The following TRPM3 variants were observed in gnomAD, a reference collection of about 807,000 sequenced individuals.
The protein encoded by TRPM3 is long transient receptor potential channel 3.
Under a neutral mutation model 181.2 loss-of-function variants are expected in TRPM3, and 77 were observed. The observed-to-expected ratio is 0.42, with a 90% CI of 0.35 to 0.51. TRPM3 has a LOEUF of 0.51. TRPM3 is among the 20% of genes least tolerant of loss of function. The pLI is 0.01. For missense variants in TRPM3, 1,759 were observed against 2,196.7 expected (o/e 0.80, Z 3.98); for synonymous variants, 745 against 796.4 (o/e 0.94, Z 1.09).
At chr9:71,395,537 C>T (rs2093170178) in intron 1 of TRPM3, among the ~76,000 whole-genome samples, 1 of 152,172 alleles carries the variant, frequency 6.6e-6, no homozygotes, top group Non-Finnish European at 1.5e-5. Flanking sequence ...ACTTTAACTT[C>T]ATGTAATTGA....
intron 5 of TRPM3, among the ~76,000 whole-genome samples, chr9:70,831,967 ATATAT>A (rs2093938515): frequency 4.5e-5 from 3 of 66,230 alleles, no homozygotes; most frequent in Non-Finnish European, 6.2e-5. Flanking sequence ...CCATAAATAT[ATATAT>A]ATATATATAT....
At chr9:71,005,851 A>T (rs1485870069) in intron 1 of TRPM3, among the ~76,000 whole-genome samples, 2 of 152,228 alleles carry the variant, frequency 1.3e-5, no homozygotes, top group Non-Finnish European at 2.9e-5. Flanking sequence ...CACTGGTAAA[A>T]GTAAGAATAC....
At chr9:71,415,458 G>C (rs1466514321) in intron 1 of TRPM3, among the ~76,000 whole-genome samples, 1 of 151,784 alleles carries the variant, frequency 6.6e-6, no homozygotes, top group Non-Finnish European at 1.5e-5. Flanking sequence ...TATTTATCTA[G>C]ATCTGATAAA....
intron 25 of TRPM3, among the ~76,000 whole-genome samples, chr9:70,543,763 T>A (rs892719371): frequency 1.4e-4 from 22 of 152,156 alleles, no homozygotes; most frequent in African/African-American, 5.3e-4. Context: ...TTTGCTTAAA[T>A]GTTGCCATCA....
At chr9:71,164,257 C>G (rs1184685921) in intron 1 of TRPM3, among the ~76,000 whole-genome samples, 3 of 152,188 alleles carry the variant, frequency 2.0e-5, no homozygotes, top group African/African-American at 7.2e-5. Context: ...TTTGTTTTAA[C>G]AATTTGAAAT....
intron 1 of TRPM3, among the ~76,000 whole-genome samples, chr9:71,313,419 A>G (rs1301939595): frequency 6.6e-6 from 1 of 152,186 alleles, no homozygotes. Context: ...CTTACATTAA[A>G]GGAAATTATA....
chr9:70,545,785 T>A (rs2044720607), intron 25 of TRPM3, among the ~76,000 whole-genome samples: 1 of 152,118 alleles, frequency 6.6e-6, no homozygotes, highest in African/African-American at 2.4e-5. Flanking sequence ...TGAACTCAGG[T>A]AATCTGCCTA....
chr9:70,982,466 C>T (rs1361066451), intron 1 of TRPM3, among the ~76,000 whole-genome samples: 5 of 152,182 alleles, frequency 3.3e-5, no homozygotes. Context: ...CTTCTATTAT[C>T]TAAGATTTCA....
chr9:70,659,501 T>C (rs967927266), intron 9 of TRPM3, among the ~76,000 whole-genome samples: 32 of 152,136 alleles, frequency 2.1e-4, no homozygotes, highest in African/African-American at 7.7e-4. Flanking sequence ...TAAAAGCCTA[T>C]GTAAAAAATA....
chr9:71,157,778 T>A (rs1158348739), intron 1 of TRPM3, among the ~76,000 whole-genome samples: 4 of 152,156 alleles, frequency 2.6e-5, no homozygotes, highest in South Asian at 4.1e-4. Context: ...TGGTAAGTCA[T>A]AAAAGAAATT....
intron 1 of TRPM3, among the ~76,000 whole-genome samples, chr9:71,057,373 G>T (rs1012885564): frequency 2.6e-5 from 4 of 152,056 alleles, no homozygotes; most frequent in African/African-American, 9.7e-5. Flanking sequence ...TCAGATAACA[G>T]AGTGCTCTTA....
At chr9:71,102,507 G>T (rs2068588352) in intron 1 of TRPM3, among the ~76,000 whole-genome samples, 1 of 152,030 alleles carries the variant, frequency 6.6e-6, no homozygotes, top group Non-Finnish European at 1.5e-5. Flanking sequence ...ACTTTACTCA[G>T]GTACCCTGAT....
chr9:71,229,961 G>C (rs1048398612), intron 1 of TRPM3, among the ~76,000 whole-genome samples: 2 of 152,002 alleles, frequency 1.3e-5, no homozygotes, highest in African/African-American at 4.8e-5. Context: ...GGAAATAAAA[G>C]AGATAGCTGC....
chr9:70,746,119 T>C (rs2075116603), intron 8 of TRPM3, among the ~76,000 whole-genome samples: 1 of 152,168 alleles, frequency 6.6e-6, no homozygotes, highest in Admixed American at 6.6e-5. Flanking sequence ...GTAAATCCTA[T>C]GTGGTGCTGA....
At position 70,776,559 on chromosome 9, in the gene TRPM3, A is replaced by G. The variant is rs1588172024; in HGVS notation, c.1148+7546T>C. On this transcript the variant is annotated intron_variant, in intron 7 of 25. Transcript: ENST00000677713. ...GAATGCCCTTAAAAACTCCATGTAA[A>G]TAAAAATACTAAGCAATAAATCTGT... 4 of 643,028 alleles carry G rather than the reference A, an allele frequency of 6.2e-6. No individual in the cohort carries two copies. In the East Asian group the frequency reaches 1.2e-4, roughly 19 times the overall value. The allele number at this position is 643,028 out of a possible 1,614,324, so 39.8% of individuals were successfully genotyped here.
chr9:70,538,175 C>A (rs1448395902), intron 25 of TRPM3, among the ~76,000 whole-genome samples: 1 of 152,198 alleles, frequency 6.6e-6, no homozygotes, highest in Non-Finnish European at 1.5e-5. Flanking sequence ...TAAGTCAATT[C>A]TTCTACTCCT....
chr9:70,803,807 G>C (rs2089965711), intron 6 of TRPM3, among the ~76,000 whole-genome samples: 2 of 151,902 alleles, frequency 1.3e-5, no homozygotes, highest in African/African-American at 2.4e-5. Flanking sequence ...CTTCTGCCTT[G>C]CCTCTGTTTA....
rs746959960 is a variant in TRPM3, at chr9:70,536,685, G to A, written c.4428C>T (p.Ile1476=). Residue 1476 remains isoleucine, a synonymous_variant, in exon 26 of 26, where the codon ATC becomes ATT. Transcript: ENST00000677713. ...PPSRSIDFED[I]TSMDTRSFSS... The stretch of plus-strand genomic sequence containing the variant: ...AAAAAGATCTAGTGTCCATGGAGGT[G>A]ATGTCCTCAAAATCAATGCTCCGGC... 7 of 1,613,982 alleles carry A rather than the reference G, an allele frequency of 4.3e-6. No individual in the cohort carries two copies. Among genetic ancestry groups the A allele is most frequent in the Middle Eastern group, 1.6e-4 (1 of 6,084 alleles).
chr9:71,112,378 C>T (rs1260250049), intron 1 of TRPM3, among the ~76,000 whole-genome samples: 2 of 152,042 alleles, frequency 1.3e-5, no homozygotes. Flanking sequence ...AAGATTCTTC[C>T]TTGAGTACAT....
Sources: allele counts gnomAD v4.1 joint callset (sites outside exome capture counted in the v4.1 genomes callset), GRCh38; gene constraint gnomAD v4.1.1; transcripts MANE v1.5; gene names NCBI Gene and HGNC (gene_info 2026-07-23, HGNC 2026-07-21).